The following NUP205 variants were observed in gnomAD, a reference collection of about 807,000 sequenced individuals.
The protein encoded by NUP205 is nucleoporin 205.
A neutral mutation model predicts 253.8 loss-of-function variants in NUP205; 76 were observed. That is an observed-to-expected ratio of 0.30 (90% CI 0.25 to 0.36). NUP205 has a LOEUF of 0.36. Among genes scored for constraint, NUP205 ranks in the 10% least tolerant of loss-of-function variants. The pLI is 1.00. For missense variants in NUP205, 2,162 were observed against 2,425.5 expected, an observed-to-expected ratio of 0.89 and a Z score of 2.28; for synonymous variants, 832 against 850.1, an observed-to-expected ratio of 0.98 and a Z score of 0.37.
rs1288441831 is a variant in NUP205, at chr7:135,619,864, G to A, written c.4306G>A (p.Asp1436Asn). ...LYYLQIAQRPDEPDTLEAAKK... is the reference protein window; with the variant it reads ...LYYLQIAQRPNEPDTLEAAKK... ...TTACTTACAGATTGCCCAGAGACCT[G>A]ATGAACCAGACACCTTAGAAGCAGG... Residue 1436 changes from aspartate (D) to asparagine (N), a missense_variant, in exon 30 of 43, where the codon GAT becomes AAT. Transcript: ENST00000285968. The A allele has an allele frequency of 6.2e-7, 1 of 1,612,232 alleles. No homozygotes were observed. Among genetic ancestry groups the A allele is most frequent in the Non-Finnish European group, 8.5e-7 (1 of 1,178,546 alleles).
In NUP205 at chr7:135,618,540, C is replaced by T. The variant is rs887864673; in HGVS notation, c.3900C>T (p.Asp1300=). 6.2e-7 allele frequency: 1 copy of T among 1,613,802 alleles called. No individual in the cohort carries two copies. The highest frequency in any genetic ancestry group is 2.2e-5 in the East Asian group (1 of 44,868). ...TTATACTGACAGCTTGTCCCCAGGA[C>T]CTCATTCAGGCAGAGGATCGACAAC... ...VEIILTACPQ[D]LIQAEDRQLI... The change falls in exon 28 of 43, where the codon GAC becomes GAT. Residue 1300 remains aspartate, a synonymous_variant. Transcript: ENST00000285968.
At position 135,614,839 on chromosome 7, in the gene NUP205, G is replaced by A. The variant is rs1371373932; in HGVS notation, c.3310+566G>A. ...GTTTTCTGAATTCAGACTATATTCAGACAGTCTTAGTCTGTTGAGTTTTTT... is the reference window on the plus strand; with the variant it reads ...GTTTTCTGAATTCAGACTATATTCAAACAGTCTTAGTCTGTTGAGTTTTTT... On this transcript the variant is annotated intron_variant, in intron 23 of 42. Coordinates refer to ENST00000285968, the MANE Select transcript of NUP205 (RefSeq NM_015135.3). 2.0e-5 allele frequency among the ~76,000 whole-genome samples: 3 copies of A among 152,166 alleles called. No homozygotes were observed. In the East Asian group the frequency reaches 5.8e-4, roughly 29 times the overall value.
intron 41 of NUP205, 114 bp from the exon 42 acceptor site, chr7:135,646,044 C>T (rs1240375376): frequency 1.4e-6 from 1 of 716,650 alleles, no homozygotes; most frequent in Non-Finnish European, 2.4e-6. Flanking sequence ...AGTTCCCAAT[C>T]TTGAGCCGTG....
intron 18 of NUP205, among the ~76,000 whole-genome samples, chr7:135,603,572 C>T (rs1195552789): frequency 2.0e-5 from 3 of 150,064 alleles, no homozygotes; most frequent in Non-Finnish European, 4.4e-5. Flanking sequence ...TGCGGTGGTA[C>T]AATCTTGGCT....
chr7:135,647,546 G>T (rs1311705999), intron 42 of NUP205, among the ~76,000 whole-genome samples: 1 of 152,178 alleles, frequency 6.6e-6, no homozygotes, highest in Non-Finnish European at 1.5e-5. Flanking sequence ...GAGAGACAAG[G>T]TCTCACTCCA....
At position 135,625,291 on chromosome 7, in the gene NUP205, T is replaced by G; in HGVS notation, c.4607T>G (p.Leu1536Trp). 6.2e-7 allele frequency: 1 copy of G among 1,614,146 alleles called. No homozygotes were observed. Among genetic ancestry groups the G allele is most frequent in the Non-Finnish European group, 8.5e-7 (1 of 1,179,994 alleles). The change falls in exon 32 of 43, where the codon TTG (leucine) becomes TGG (tryptophan). Residue 1536 changes from leucine to tryptophan, a missense_variant. Leu to Trp is a moderately conservative substitution (Grantham distance 61, BLOSUM62 -2). Coordinates refer to ENST00000285968, the MANE Select transcript of NUP205 (RefSeq NM_015135.3). ...VDSLVEDDRT[L>W]QSLLTPQPPL... ...AGCTTGGTAGAAGATGACCGTACTT[T>G]GCAGAGCTTACTCACCCCACAGCCT...
chr7:135,644,442 G>A (rs1794969156), intron 39 of NUP205, among the ~76,000 whole-genome samples: 1 of 152,354 alleles, frequency 6.6e-6, no homozygotes, highest in East Asian at 1.9e-4. Context: ...GTGCTTGTGT[G>A]TGTGCCACAT....
At chr7:135,626,209 C>A (rs745420370) in intron 32 of NUP205, 31 bp from the exon 33 acceptor site, 1 of 1,613,028 alleles carries the variant, frequency 6.2e-7, no homozygotes, top group Non-Finnish European at 8.5e-7. Context: ...ATGATTTCAG[C>A]ACTGATGATT....
intron 24 of NUP205, 44 bp downstream of exon 24, chr7:135,616,109 G>T: frequency 1.3e-6 from 2 of 1,551,530 alleles, no homozygotes; most frequent in Non-Finnish European, 1.8e-6. Context: ...ACTAGTTGTC[G>T]TGAAGACAAG....
At chr7:135,585,862 T>C (rs1689663429) in intron 8 of NUP205, among the ~76,000 whole-genome samples, 1 of 152,170 alleles carries the variant, frequency 6.6e-6, no homozygotes, top group African/African-American at 2.4e-5. Flanking sequence ...GATTCTGAAT[T>C]GCAGTGTATA....
Position 135,602,936 on chromosome 7 carries a change from C to G in NUP205, c.2644C>G (p.Leu882Val). The G allele has an allele frequency of 6.2e-7, 1 of 1,613,834 alleles. No homozygotes were observed. Among genetic ancestry groups the G allele is most frequent in the Non-Finnish European group, 8.5e-7 (1 of 1,179,898 alleles). The change falls in exon 18 of 43, where the codon CTT (leucine) becomes GTT (valine). Residue 882 changes from leucine to valine, a missense_variant. Leu to Val is a conservative substitution (Grantham distance 32). This residue lies in a region of NUP205 where 892 missense variants were observed against 957.1 expected (regional missense o/e 0.93). Transcript: ENST00000285968. ...TCTAATAGTCTGTCCTTTAGAACAG[C>G]TTTTGCAGGGAATTAATCCCAGAAC... ...LALIVCPLEQ[L>V]LQGINPRTKK... is the part of the protein sequence containing the mutation.
In NUP205 at chr7:135,626,350, G is replaced by A. The variant is rs146919738; in HGVS notation, c.4782G>A (p.Thr1594=). The change falls in exon 33 of 43, where the codon ACG becomes ACA. Residue 1594 remains threonine, a synonymous_variant. Transcript: ENST00000285968. The part of the protein sequence containing the change: ...QCQVYDMRPE[T]DPQSMFGMRD... Reference sequence around the variant, plus strand: ...AAGTCTATGACATGCGCCCAGAAACGGACCCGCAGAGGTAAGTGTCTGTAT... The same window carrying A: ...AAGTCTATGACATGCGCCCAGAAACAGACCCGCAGAGGTAAGTGTCTGTAT... 431 of 1,614,002 alleles carry A rather than the reference G, an allele frequency of 2.7e-4. 2 individuals are homozygous for A. The African/African-American group carries it at 3.2e-3, about 12-fold the overall frequency.
At chr7:135,612,663 G>C (rs1312362228) in intron 22 of NUP205, among the ~76,000 whole-genome samples, 1 of 152,208 alleles carries the variant, frequency 6.6e-6, no homozygotes, top group East Asian at 1.9e-4. Flanking sequence ...ACTGCAGTTT[G>C]TAGCTGTTCT....
At chr7:135,640,986 G>C (rs116541628) in intron 38 of NUP205, among the ~76,000 whole-genome samples, 1 of 151,912 alleles carries the variant, frequency 6.6e-6, no homozygotes, top group Non-Finnish European at 1.5e-5. Context: ...GATCACATGA[G>C]CCCAGAAGTT....
At chr7:135,571,268 G>T (rs1584639553) in intron 2 of NUP205, 21 bp downstream of exon 2, 19 of 1,337,298 alleles carry the variant, frequency 1.4e-5, no homozygotes, top group South Asian at 6.3e-5. Flanking sequence ...TTCTTTTTCA[G>T]TTTTTTTGGG....
intron 30 of NUP205, among the ~76,000 whole-genome samples, chr7:135,620,266 G>T (rs1285174021): frequency 6.6e-6 from 1 of 152,174 alleles, no homozygotes; most frequent in Non-Finnish European, 1.5e-5. Flanking sequence ...TGGCATGGTG[G>T]CTCACGCCTG....
chr7:135,594,873 G>A lies in NUP205; in HGVS notation c.2013+144G>A, dbSNP rs1167059322. ...AGTTACGGTTTAGGGACTGAGCATAGCAATAGAAACTAATAGGCTTGGGTT... is the reference window on the plus strand; with the variant it reads ...AGTTACGGTTTAGGGACTGAGCATAACAATAGAAACTAATAGGCTTGGGTT... On this transcript the variant is annotated intron_variant, in intron 13 of 42. Transcript: ENST00000285968. 1.5e-5 allele frequency: 9 copies of A among 612,760 alleles called. No homozygotes were observed. In the East Asian group the frequency reaches 1.8e-4, roughly 12 times the overall value. The allele number at this position is 612,760 out of a possible 1,614,324, so 38.0% of individuals were successfully genotyped here. A position where few individuals can be genotyped will look rare whatever the true frequency, so the allele number is the denominator to read the frequency against.
At position 135,607,325 on chromosome 7, in the gene NUP205, C is replaced by T; in HGVS notation, c.3149C>T (p.Pro1050Leu). The change falls in exon 22 of 43, where the codon CCA (proline) becomes CTA (leucine). Residue 1050 changes from proline (P) to leucine (L), a missense_variant. Physicochemically the swap from Pro to Leu is moderately conservative, Grantham distance 98 (BLOSUM62 -3). Around this residue, in one of 5 missense-constraint regions of NUP205, gnomAD observed 1,144 missense variants for 1,280.9 expected, o/e 0.89. Coordinates refer to ENST00000285968, the MANE Select transcript of NUP205 (RefSeq NM_015135.3). ...AAAGGAACGGAAGGGAGAACAGGCCCAGTGGCGGTGCGAGAATCTCCTCAG... is the reference window on the plus strand; with the variant it reads ...AAAGGAACGGAAGGGAGAACAGGCCTAGTGGCGGTGCGAGAATCTCCTCAG... ...LEKGTEGRTG[P>L]VAVRESPQLA... 6.2e-7 allele frequency: 1 copy of T among 1,614,130 alleles called. No homozygotes were observed. Among genetic ancestry groups the T allele is most frequent in the African/African-American group, 1.3e-5 (1 of 75,072 alleles).
chr7:135,613,478 C>T (rs77591006), intron 22 of NUP205, among the ~76,000 whole-genome samples: 5,181 of 151,404 alleles, frequency 0.034, 117 homozygotes, highest in Middle Eastern at 0.1. Context: ...AGATGTAACT[C>T]TTATGGTTCT....
Sources: allele counts gnomAD v4.1 joint callset (sites outside exome capture counted in the v4.1 genomes callset), GRCh38; gene constraint gnomAD v4.1.1; regional missense constraint gnomAD v4.1.1; transcripts MANE v1.5; gene names NCBI Gene and HGNC (gene_info 2026-07-23, HGNC 2026-07-21).